The following LRRC7 variants were observed in gnomAD, a reference collection of about 807,000 sequenced individuals.
LRRC7 encodes leucine rich repeat containing 7, also known as leucine-rich repeat-containing protein 7.
LRRC7 carries 23 observed loss-of-function variants against 175.7 expected under a neutral mutation model. That is an observed-to-expected ratio of 0.13 (90% CI 0.09 to 0.19). The LOEUF is 0.19. Ranked by LOEUF, LRRC7 falls within the 10% of genes least tolerant of loss-of-function variation. The probability of loss-of-function intolerance (pLI) is 1.00; values close to 1 mark genes in which losing one functional copy is unlikely to be tolerated. For synonymous variants in LRRC7, 685 were observed against 680.9 expected (o/e 1.01, Z -0.09); for missense variants, 1,354 against 1,904.7 (o/e 0.71, Z 5.38).
intron 5 of LRRC7, among the ~76,000 whole-genome samples, chr1:69,831,393 G>A (rs1680512494): frequency 1.3e-5 from 2 of 152,054 alleles, no homozygotes; most frequent in African/African-American, 2.4e-5. Flanking sequence ...TTACAACAAA[G>A]TAAAACACAG....
chr1:69,738,655 GA>G (rs2100844273), intron 2 of LRRC7, among the ~76,000 whole-genome samples: 1 of 152,154 alleles, frequency 6.6e-6, no homozygotes, highest in Non-Finnish European at 1.5e-5. Context: ...GAGAGAAAAA[GA>G]AAGACTATTT....
intron 3 of LRRC7, among the ~76,000 whole-genome samples, chr1:69,776,524 T>G (rs1569736187): frequency 6.6e-6 from 1 of 152,348 alleles, no homozygotes; most frequent in African/African-American, 2.4e-5. Flanking sequence ...GTATCCCTTC[T>G]ATGCATAGAG....
intron 8 of LRRC7, among the ~76,000 whole-genome samples, chr1:69,935,887 C>A (rs1396533051): frequency 6.6e-6 from 1 of 152,062 alleles, no homozygotes; most frequent in Non-Finnish European, 1.5e-5. Flanking sequence ...AAGTCCTTCC[C>A]TCCTCAAAGC....
intron 4 of LRRC7, among the ~76,000 whole-genome samples, chr1:69,824,113 C>T (rs1294580591): frequency 6.6e-6 from 1 of 152,106 alleles, no homozygotes; most frequent in African/African-American, 2.4e-5. Flanking sequence ...TTTTAATTCA[C>T]TTCTGCCTCC....
intron 13 of LRRC7, 74 bp downstream of exon 13, chr1:70,013,163 T>C: frequency 1.2e-6 from 1 of 813,832 alleles, no homozygotes; most frequent in Non-Finnish European, 1.9e-6. Context: ...TGCCTATAGT[T>C]TTGATAACAT....
intron 1 of LRRC7, among the ~76,000 whole-genome samples, chr1:69,591,317 A>G (rs7515630): frequency 0.011 from 1,628 of 152,162 alleles, 30 homozygotes; most frequent in African/African-American, 0.035. Context: ...TTTTAGTTCA[A>G]TTTGTTCATA....
intron 4 of LRRC7, among the ~76,000 whole-genome samples, chr1:69,812,301 A>G (rs1447493869): frequency 6.6e-6 from 1 of 152,170 alleles, no homozygotes; most frequent in Non-Finnish European, 1.5e-5. Flanking sequence ...ACACAGGTTA[A>G]TATGATAGCG....
chr1:69,751,667 C>A (rs537586641), intron 2 of LRRC7, among the ~76,000 whole-genome samples: 2 of 152,116 alleles, frequency 1.3e-5, no homozygotes, highest in African/African-American at 4.8e-5. Flanking sequence ...CCGTTAGAGG[C>A]AAAATCAGGG....
chr1:69,997,726 C>T (rs1655132263), intron 11 of LRRC7, among the ~76,000 whole-genome samples: 1 of 150,942 alleles, frequency 6.6e-6, no homozygotes, highest in Non-Finnish European at 1.5e-5. Flanking sequence ...TATATTGAAC[C>T]AGCCTTGCAT....
chr1:69,830,986 T>C (rs1463534983), intron 5 of LRRC7, among the ~76,000 whole-genome samples: 1 of 151,912 alleles, frequency 6.6e-6, no homozygotes, highest in African/African-American at 2.4e-5. Flanking sequence ...CAGATTCTTC[T>C]AGGGCATAAG....
rs1467215051 is a variant in LRRC7, at chr1:69,760,345, A to G, written c.255A>G (p.Thr85=). Reference sequence around the variant, plus strand: ...AGGAGGTCTTTAACTTCGAACGAACATTAGAGGAGCTTTATCTAGATGCCA... The same window carrying G: ...AGGAGGTCTTTAACTTCGAACGAACGTTAGAGGAGCTTTATCTAGATGCCA... The part of the protein sequence containing the change: ...VPKEVFNFER[T]LEELYLDANQ... The change falls in exon 3 of 27, where the codon ACA becomes ACG. Residue 85 remains threonine, a synonymous_variant. Transcript: ENST00000651989. The G allele has an allele frequency of 6.2e-7, 1 of 1,612,868 alleles. No individual in the cohort carries two copies. The highest frequency in any genetic ancestry group is 8.5e-7 in the Non-Finnish European group (1 of 1,179,252).
intron 7 of LRRC7, among the ~76,000 whole-genome samples, chr1:69,868,290 A>G (rs1006536091): frequency 6.6e-6 from 1 of 152,202 alleles, no homozygotes; most frequent in East Asian, 1.9e-4. Flanking sequence ...ATAATTAAAC[A>G]GTTATAATGC....
chr1:69,821,722 C>G (rs967691781), intron 4 of LRRC7, among the ~76,000 whole-genome samples: 8 of 151,848 alleles, frequency 5.3e-5, no homozygotes, highest in African/African-American at 1.9e-4. Flanking sequence ...GATGAAACCC[C>G]ATCTCTACTA....
chr1:70,102,557 G>A (rs772902607), intron 25 of LRRC7, among the ~76,000 whole-genome samples: 3 of 152,088 alleles, frequency 2.0e-5, no homozygotes, highest in Non-Finnish European at 4.4e-5. Flanking sequence ...TAGAGATGGG[G>A]TCTCACCATT....
intron 3 of LRRC7, among the ~76,000 whole-genome samples, chr1:69,773,100 T>A (rs1285539059): frequency 6.6e-6 from 1 of 152,136 alleles, no homozygotes; most frequent in Non-Finnish European, 1.5e-5. Context: ...GCTAGAAAAG[T>A]GTATGAGGTC....
chr1:70,124,757 A>C lies in LRRC7; in HGVS notation c.*2870A>C, dbSNP rs975586045. Reference sequence around the variant, plus strand: ...AAAAAAGTCAAGGGTGTGCCTTTTAAAAAAAAAAAAGAAAAATCAATAACA... The same window carrying C: ...AAAAAAGTCAAGGGTGTGCCTTTTACAAAAAAAAAAGAAAAATCAATAACA... On this transcript the variant is annotated 3_prime_UTR_variant, in exon 27 of 27. Transcript: ENST00000651989. Among the ~76,000 whole-genome samples, 4 of 148,434 alleles carry C rather than the reference A, an allele frequency of 2.7e-5. No individual in the cohort carries two copies. The highest frequency in any genetic ancestry group is 9.9e-5 in the African/African-American group (4 of 40,426).
intron 18 of LRRC7, among the ~76,000 whole-genome samples, chr1:70,033,739 G>A: frequency 6.6e-6 from 1 of 152,112 alleles, no homozygotes. Context: ...ATACAAACAA[G>A]ATGACCTGAG....
intron 1 of LRRC7, among the ~76,000 whole-genome samples, chr1:69,587,204 A>C (rs1399416228): frequency 6.6e-6 from 1 of 151,714 alleles, no homozygotes; most frequent in Non-Finnish European, 1.5e-5. Context: ...AACTTAAAAT[A>C]TTCTACTTCT....
Position 69,838,286 on chromosome 1 carries a change from A to G in LRRC7, c.647+3A>G. ...AATCACTTGAAAACTCTACCAAAGT[A>G]AGTGACTGTGTATTTTCTGAATTTT... On this transcript the variant is annotated splice_donor_region_variant and intron_variant, in intron 7 of 26. Coordinates refer to ENST00000651989, the MANE Select transcript of LRRC7 (RefSeq NM_001370785.2). The G allele has an allele frequency of 6.2e-7, 1 of 1,602,748 alleles. No individual in the cohort carries two copies. The highest frequency in any genetic ancestry group is 8.5e-7 in the Non-Finnish European group (1 of 1,170,894).
Sources: gnomAD v4.1 joint callset for allele counts (sites outside exome capture counted in the v4.1 genomes callset) on GRCh38, gnomAD v4.1.1 for gene constraint, MANE v1.5 for transcripts, NCBI Gene and HGNC (gene_info 2026-07-23, HGNC 2026-07-21) for gene names.